Variants in MRGPRX2 observed in about 807,000 individuals in gnomAD.
The protein encoded by MRGPRX2 is MAS related GPR family member X2.
For missense variants in MRGPRX2, 389 were observed against 404.5 expected (o/e 0.96, Z 0.33); for synonymous variants, 183 against 175.6 (o/e 1.04, Z -0.33).
At chr11:19,058,249 C>G (rs775443164) in intron 1 of MRGPRX2, among the ~76,000 whole-genome samples, 7 of 152,142 alleles carry the variant, frequency 4.6e-5, no homozygotes, top group Non-Finnish European at 8.8e-5. Context: ...GTGAATGTGT[C>G]CTCCATGGGG....
chr11:19,055,515 G>C lies in MRGPRX2; in HGVS notation c.888C>G (p.Leu296=), dbSNP rs1406825371. 5 of 1,614,196 alleles carry C rather than the reference G, an allele frequency of 3.1e-6. No individual in the cohort carries two copies. The highest frequency in any genetic ancestry group is 3.3e-5 in the Admixed American group (2 of 60,026). Reference sequence around the variant, plus strand: ...GCAGAGCCCTCTGGAGAGCCAGCTTGAGGATCGGCTGCTGCAGCCGCCACT... The same window carrying C: ...GCAGAGCCCTCTGGAGAGCCAGCTTCAGGATCGGCTGCTGCAGCCGCCACT... ...RKQWRLQQPI[L]KLALQRALQD... is the part of the protein sequence containing the mutation. Residue 296 remains leucine, a synonymous_variant, in exon 2 of 2, where the codon CTC becomes CTG. Transcript: ENST00000329773.
rs561754718 is a variant in MRGPRX2, at chr11:19,060,616, T to C, written c.-26+3A>G. On this transcript the variant is annotated splice_donor_region_variant and intron_variant, in intron 1 of 1. Coordinates refer to ENST00000329773, the MANE Select transcript of MRGPRX2 (RefSeq NM_054030.4). ...AGAAGATGGTTCTTGAACAAACTCT[T>C]ACCTTAACACCCTTCTTTCTACTGG... is the stretch of plus-strand genomic sequence containing the variant. 6.6e-6 allele frequency: 1 copy of C among 152,244 alleles called. No homozygotes were observed. The highest frequency in any genetic ancestry group is 1.5e-5 in the Non-Finnish European group (1 of 68,060). 9.4% of individuals were successfully genotyped at this position (152,244 alleles called of 1,614,324 possible).
At position 19,055,476 on chromosome 11, in the gene MRGPRX2, C is replaced by T. The variant is rs776051669; in HGVS notation, c.927G>A (p.Glu309=). 8.1e-6 allele frequency: 13 copies of T among 1,614,016 alleles called. No individual in the cohort carries two copies. The highest frequency in any genetic ancestry group is 2.7e-5 in the African/African-American group (2 of 75,024). The change falls in exon 2 of 2, where the codon GAG becomes GAA. Residue 309 remains glutamate, a synonymous_variant. Transcript: ENST00000329773. ...GGAAGCATCCTTCACTGTGATCCAC[C>T]TCAGCAATGTCCTGCAGAGCCCTCT... ...ALQRALQDIA[E]VDHSEGCFRQ...
rs1232167826 is a variant in MRGPRX2, at chr11:19,056,083, G to A, written c.320C>T (p.Thr107Ile). ...ISINFPSFFT[T>I]VMTCAYLAGL... Reference sequence around the variant, plus strand: ...TGCAAGGTAGGCACAGGTCATCACAGTGGTGAAGAAGCTAGGGAAATTGAT... The same window carrying A: ...TGCAAGGTAGGCACAGGTCATCACAATGGTGAAGAAGCTAGGGAAATTGAT... Residue 107 changes from threonine (T) to isoleucine (I), a missense_variant, in exon 2 of 2, where the codon ACT (threonine) becomes ATT (isoleucine). Transcript: ENST00000329773. 2 of 1,614,252 alleles carry A rather than the reference G, an allele frequency of 1.2e-6. No individual in the cohort carries two copies. The highest frequency in any genetic ancestry group is 1.1e-5 in the South Asian group (1 of 91,088).
At chr11:19,056,916 G>A (rs757599590) in intron 1 of MRGPRX2, among the ~76,000 whole-genome samples, 18 of 152,136 alleles carry the variant, frequency 1.2e-4, no homozygotes, top group Non-Finnish European at 1.6e-4. Context: ...GGGTCATAAC[G>A]GAGAGGTGAC....
At chr11:19,056,719 A>G (rs1005021001) in intron 1 of MRGPRX2, among the ~76,000 whole-genome samples, 1 of 152,222 alleles carries the variant, frequency 6.6e-6, no homozygotes, top group Non-Finnish European at 1.5e-5. Flanking sequence ...TCCTGGAGGC[A>G]GGAAGAGAAA....
Position 19,055,590 on chromosome 11 carries a change from G to C in MRGPRX2, c.813C>G (p.Asn271Lys). ...HPVSVVLSSL[N>K]SSANPIIYFF... ...AGTAAATGATGGGGTTGGCACTGCT[G>C]TTAAGAGATGACAGGACAACTGAAA... The change falls in exon 2 of 2, where the codon AAC (asparagine) becomes AAG (lysine). Residue 271 changes from asparagine (N) to lysine (K), a missense_variant. By Grantham distance (94) the Asn-to-Lys change is moderately conservative. Coordinates refer to ENST00000329773, the MANE Select transcript of MRGPRX2 (RefSeq NM_054030.4). The C allele has an allele frequency of 6.2e-7, 1 of 1,614,192 alleles. No individual in the cohort carries two copies. The highest frequency in any genetic ancestry group is 1.3e-5 in the African/African-American group (1 of 75,042).
At chr11:19,058,482 T>G (rs545144323) in intron 1 of MRGPRX2, among the ~76,000 whole-genome samples, 2 of 151,522 alleles carry the variant, frequency 1.3e-5, no homozygotes, top group East Asian at 3.9e-4. Context: ...GTGCAGTGGC[T>G]CGATCTCGGC....
chr11:19,055,391 A>C lies in MRGPRX2; in HGVS notation c.*19T>G. On this transcript the variant is annotated 3_prime_UTR_variant, in exon 2 of 2. Coordinates refer to ENST00000329773, the MANE Select transcript of MRGPRX2 (RefSeq NM_054030.4). ...TCTCAAAGCCACATATATCTGATGGAAGTAGAGGCTGTCCATCTCTACACC... is the reference window on the plus strand; with the variant it reads ...TCTCAAAGCCACATATATCTGATGGCAGTAGAGGCTGTCCATCTCTACACC... 1 of 1,584,522 alleles carries C rather than the reference A, an allele frequency of 6.3e-7. No individual in the cohort carries two copies. The highest frequency in any genetic ancestry group is 8.6e-7 in the Non-Finnish European group (1 of 1,160,982).
intron 1 of MRGPRX2, among the ~76,000 whole-genome samples, chr11:19,057,523 A>G (rs141020451): frequency 3.9e-5 from 6 of 152,324 alleles, no homozygotes; most frequent in African/African-American, 1.4e-4. Flanking sequence ...TGGTATGAAT[A>G]CATCTAAGGT....
At chr11:19,058,754 G>GT (rs944062866) in intron 1 of MRGPRX2, among the ~76,000 whole-genome samples, 3 of 152,120 alleles carry the variant, frequency 2.0e-5, no homozygotes, top group East Asian at 1.9e-4. Flanking sequence ...GTGTATGTCT[G>GT]TTTTTTCTTT....
Position 19,055,407 on chromosome 11 carries a change from T to A in MRGPRX2, c.*3A>T, listed in dbSNP as rs752863443. ...ATCTGATGGAAGTAGAGGCTGTCCA[T>A]CTCTACACCAGACTGCTTCTCGACA... On this transcript the variant is annotated 3_prime_UTR_variant, in exon 2 of 2. Coordinates refer to ENST00000329773, the MANE Select transcript of MRGPRX2 (RefSeq NM_054030.4). 1 of 1,598,318 alleles carries A rather than the reference T, an allele frequency of 6.3e-7. No individual in the cohort carries two copies. Among genetic ancestry groups the A allele is most frequent in the South Asian group, 1.1e-5 (1 of 90,332 alleles).
intron 1 of MRGPRX2, among the ~76,000 whole-genome samples, chr11:19,057,401 A>G (rs1849629157): frequency 6.6e-6 from 1 of 152,116 alleles, no homozygotes; most frequent in South Asian, 2.1e-4. Context: ...GAGAGGATTC[A>G]GGGTTTATCT....
At chr11:19,058,505 C>T (rs1375806234) in intron 1 of MRGPRX2, among the ~76,000 whole-genome samples, 2 of 151,578 alleles carry the variant, frequency 1.3e-5, no homozygotes, top group Non-Finnish European at 2.9e-5. Flanking sequence ...ACTGCAAGCT[C>T]CGCCTCCTGG....
In MRGPRX2 at chr11:19,055,230, G is replaced by A. The variant is rs1024785469; in HGVS notation, c.*180C>T. 1.4e-4 allele frequency: 90 copies of A among 626,096 alleles called. No homozygotes were observed. In the Admixed American group the frequency reaches 2.5e-3, roughly 17 times the overall value. The allele number at this position is 626,096 out of a possible 1,614,324, so 38.8% of individuals were successfully genotyped here. A position where few individuals can be genotyped will look rare whatever the true frequency, so the allele number is the denominator to read the frequency against. ...GCTGTGGTGGAAGCCTGTGAGTAAG[G>A]CAGTTCCAGAGACACTGCACTTAGT... On this transcript the variant is annotated 3_prime_UTR_variant, in exon 2 of 2. Coordinates refer to ENST00000329773, the MANE Select transcript of MRGPRX2 (RefSeq NM_054030.4).
chr11:19,055,518 G>A lies in MRGPRX2; in HGVS notation c.885C>T (p.Ile295=), dbSNP rs754744131. The part of the protein sequence containing the change: ...FRKQWRLQQP[I]LKLALQRALQ... ...GAGCCCTCTGGAGAGCCAGCTTGAG[G>A]ATCGGCTGCTGCAGCCGCCACTGCT... The change falls in exon 2 of 2, where the codon ATC becomes ATT. Residue 295 remains isoleucine, a synonymous_variant. Transcript: ENST00000329773. 16 of 1,613,498 alleles carry A rather than the reference G, an allele frequency of 9.9e-6. No individual in the cohort carries two copies. In the South Asian group the frequency reaches 1.6e-4, roughly 17 times the overall value.
intron 1 of MRGPRX2, among the ~76,000 whole-genome samples, chr11:19,059,346 A>G (rs1188471611): frequency 2.6e-5 from 4 of 152,304 alleles, no homozygotes; most frequent in Admixed American, 6.5e-5. Flanking sequence ...GGAAATAGAA[A>G]TTGGAAGGAG....
chr11:19,060,272 T>C (rs905294523), intron 1 of MRGPRX2, among the ~76,000 whole-genome samples: 1 of 152,186 alleles, frequency 6.6e-6, no homozygotes, highest in Non-Finnish European at 1.5e-5. Flanking sequence ...GAAAAACCTT[T>C]TGAATAACAA....
intron 1 of MRGPRX2, among the ~76,000 whole-genome samples, chr11:19,059,314 A>G (rs1247800891): frequency 6.6e-6 from 1 of 152,132 alleles, no homozygotes; most frequent in Non-Finnish European, 1.5e-5. Flanking sequence ...CCATGAGGGT[A>G]AGGGTACCGC....
Sources: gnomAD v4.1 joint callset for allele counts (sites outside exome capture counted in the v4.1 genomes callset) on GRCh38, gnomAD v4.1.1 for gene constraint, MANE v1.5 for transcripts, NCBI Gene and HGNC (gene_info 2026-07-23, HGNC 2026-07-21) for gene names.